Variants in FTO observed in about 807,000 individuals in gnomAD.
FTO encodes the protein FTO alpha-ketoglutarate dependent dioxygenase.
Under a neutral mutation model 63.9 loss-of-function variants are expected in FTO, and 47 were observed. The ratio of observed to expected loss-of-function variants is 0.74; its 90% CI spans 0.58 to 0.94. FTO has a LOEUF of 0.94. FTO is among the 40% of genes least tolerant of loss of function. The pLI is 0.00. For synonymous variants in FTO, 207 were observed against 224.4 expected, an observed-to-expected ratio of 0.92 and a Z score of 0.69; for missense variants, 562 against 618.1, an observed-to-expected ratio of 0.91 and a Z score of 0.96.
chr16:53,891,346 C>CTTTTTT (rs5816910), intron 7 of FTO, among the ~76,000 whole-genome samples: 2 of 147,340 alleles, frequency 1.4e-5, no homozygotes, highest in Non-Finnish European at 3.0e-5. Flanking sequence ...TGTTCAAGAG[C>CTTTTTT]TTTTTTTTTT....
At chr16:53,769,828 CA>C (rs2077292715) in intron 1 of FTO, among the ~76,000 whole-genome samples, 1 of 152,102 alleles carries the variant, frequency 6.6e-6, no homozygotes. Context: ...TCTCTGTATT[CA>C]TTTAGGGATC....
chr16:54,086,012 C>T (rs1201193601), intron 8 of FTO, among the ~76,000 whole-genome samples: 1 of 152,190 alleles, frequency 6.6e-6, no homozygotes, highest in Non-Finnish European at 1.5e-5. Flanking sequence ...AGGAGGACTA[C>T]TTTAATCCCC....
At chr16:53,751,908 G>A (rs187424355) in intron 1 of FTO, among the ~76,000 whole-genome samples, 1 of 152,286 alleles carries the variant, frequency 6.6e-6, no homozygotes, top group Admixed American at 6.5e-5. Flanking sequence ...GTCAGGATTT[G>A]AATCGCTTAC....
At chr16:54,056,407 G>C (rs74798054) in intron 8 of FTO, among the ~76,000 whole-genome samples, 120 of 152,316 alleles carry the variant, frequency 7.9e-4, no homozygotes, top group African/African-American at 2.8e-3. Context: ...GAATTAAATT[G>C]TTAGAATTTC....
At chr16:53,720,356 G>A (rs1394872387) in intron 1 of FTO, among the ~76,000 whole-genome samples, 1 of 151,970 alleles carries the variant, frequency 6.6e-6, no homozygotes, top group Non-Finnish European at 1.5e-5. Flanking sequence ...ACAATGTTAT[G>A]TAGATATAAA....
chr16:53,986,007 T>C (rs1268238257), intron 8 of FTO, among the ~76,000 whole-genome samples: 2 of 152,214 alleles, frequency 1.3e-5, no homozygotes, highest in African/African-American at 4.8e-5. Flanking sequence ...GTCCTTTATT[T>C]TCTATACTCC....
chr16:53,746,742 G>A (rs1402260452), intron 1 of FTO, among the ~76,000 whole-genome samples: 1 of 152,000 alleles, frequency 6.6e-6, no homozygotes, highest in Non-Finnish European at 1.5e-5. Context: ...TATATAATAT[G>A]TTATTATTTA....
chr16:53,812,206 CAG>C (rs2078548632), intron 2 of FTO, among the ~76,000 whole-genome samples: 1 of 152,122 alleles, frequency 6.6e-6, no homozygotes, highest in Non-Finnish European at 1.5e-5. Context: ...CCTCTACAAC[CAG>C]AGAGTTGTCT....
chr16:53,996,773 G>A (rs2083940488), intron 8 of FTO, among the ~76,000 whole-genome samples: 2 of 152,180 alleles, frequency 1.3e-5, no homozygotes, highest in East Asian at 1.9e-4. Flanking sequence ...GTGGCAGCAA[G>A]GAGAAGTGTC....
At chr16:53,705,643 G>A (rs2075592830) in intron 1 of FTO, among the ~76,000 whole-genome samples, 1 of 152,174 alleles carries the variant, frequency 6.6e-6, no homozygotes, top group African/African-American at 2.4e-5. Flanking sequence ...TATTTCGTAA[G>A]GGACCAGAAG....
chr16:53,745,952 G>A (rs1434584511), intron 1 of FTO, among the ~76,000 whole-genome samples: 2 of 132,394 alleles, frequency 1.5e-5, no homozygotes, highest in Non-Finnish European at 3.1e-5. Flanking sequence ...TTTATGCTTG[G>A]GTGGTTATAT....
At chr16:53,908,733 T>C (rs964670673) in intron 7 of FTO, among the ~76,000 whole-genome samples, 5 of 152,100 alleles carry the variant, frequency 3.3e-5, no homozygotes, top group African/African-American at 1.2e-4. Flanking sequence ...GTGCCTAGAG[T>C]CACAATCCGG....
intron 8 of FTO, among the ~76,000 whole-genome samples, chr16:53,951,805 A>G (rs549018806): frequency 6.6e-6 from 1 of 151,734 alleles, no homozygotes; most frequent in African/African-American, 2.4e-5. Context: ...CAAGACTCAA[A>G]TCAATCTTGT....
At position 53,934,118 on chromosome 16, in the gene FTO, T is replaced by C; in HGVS notation, c.1364+9T>C. 6.2e-7 allele frequency: 1 copy of C among 1,614,070 alleles called. No individual in the cohort carries two copies. Among genetic ancestry groups the C allele is most frequent in the Non-Finnish European group, 8.5e-7 (1 of 1,179,932 alleles). ...AGAGAATGGCATGCCAGGTTAGTTC[T>C]GTTGTGAAATGGGATTTGTTGTTCT... On this transcript the variant is annotated intron_variant, in intron 8 of 8. Coordinates refer to ENST00000471389, the MANE Select transcript of FTO (RefSeq NM_001080432.3).
At chr16:53,873,755 G>A (rs909446410) in intron 4 of FTO, 31 bp from the exon 5 acceptor site, 1 of 1,554,510 alleles carries the variant, frequency 6.4e-7, no homozygotes, top group Non-Finnish European at 8.9e-7. Context: ...AATAAATATG[G>A]TTTTATACAT....
chr16:53,844,090 A>T, intron 3 of FTO, 65 bp from the exon 4 acceptor site: 2 of 1,265,004 alleles, frequency 1.6e-6, no homozygotes, highest in South Asian at 2.6e-5. Flanking sequence ...CTAAAATAAC[A>T]ATTATAAAAT....
At chr16:53,887,990 T>G (rs2081045569) in intron 6 of FTO, 1 of 152,152 alleles carries the variant, frequency 6.6e-6, no homozygotes, top group African/African-American at 2.4e-5. Context: ...GTGTTTTGCT[T>G]GTAATACCAG....
intron 1 of FTO, among the ~76,000 whole-genome samples, chr16:53,767,606 G>A (rs1344505126): frequency 6.6e-6 from 1 of 151,526 alleles, no homozygotes; most frequent in Admixed American, 6.6e-5. Flanking sequence ...AACAGGGGAA[G>A]GTACCTCTTT....
Position 54,119,221 on chromosome 16 carries a change from C to T in FTO, c.*7306C>T, listed in dbSNP as rs539093821. ...GCCTCCAGACACACGGATGGAGGAG[C>T]ATGATTTCATTTGTTTCTTTGCAAA... is the stretch of plus-strand genomic sequence containing the variant. On this transcript the variant is annotated 3_prime_UTR_variant, in exon 9 of 9. Coordinates refer to ENST00000471389, the MANE Select transcript of FTO (RefSeq NM_001080432.3). The T allele has an allele frequency of 6.6e-6, 1 of 152,284 alleles. No individual in the cohort carries two copies. The highest frequency in any genetic ancestry group is 2.1e-4 in the South Asian group (1 of 4,816). 9.4% of individuals were successfully genotyped at this position (152,284 alleles called of 1,614,324 possible).
Sources: gnomAD v4.1 joint callset for allele counts (sites outside exome capture counted in the v4.1 genomes callset) on GRCh38, gnomAD v4.1.1 for gene constraint, MANE v1.5 for transcripts, NCBI Gene and HGNC (gene_info 2026-07-23, HGNC 2026-07-21) for gene names.